Variants in UTRN observed in about 807,000 individuals in gnomAD.
UTRN encodes dystrophin-related protein 1.
In UTRN, 283 loss-of-function variants were observed where a neutral mutation model predicts 463.9. The ratio of observed to expected loss-of-function variants is 0.61; its 90% confidence interval spans 0.55 to 0.67. The LOEUF is 0.67. UTRN is among the 30% of genes least tolerant of loss of function. The probability of loss-of-function intolerance (pLI) is 0.00; values close to 1 mark genes in which losing one functional copy is unlikely to be tolerated. For missense variants in UTRN, 3,922 were observed against 4,084.3 expected (o/e 0.96, Z 1.08); for synonymous variants, 1,442 against 1,431.5 (o/e 1.01, Z -0.17).
intron 39 of UTRN, among the ~76,000 whole-genome samples, chr6:144,517,929 C>A (rs977887894): frequency 1.3e-5 from 2 of 152,228 alleles, no homozygotes; most frequent in South Asian, 4.1e-4. Flanking sequence ...ACTAGCCATT[C>A]TCTCAAGGCT....
At chr6:144,732,648 TTTATGTCATG>T (rs1455527584) in intron 54 of UTRN, among the ~76,000 whole-genome samples, 5 of 145,754 alleles carry the variant, frequency 3.4e-5, no homozygotes, top group East Asian at 2.1e-4. Context: ...ATTGTTTCAT[TTTATGTCATG>T]TTATGTTATG....
Position 144,705,461 on chromosome 6 carries a change from T to C in UTRN, c.7809+5218T>C, listed in dbSNP as rs116098953. ...GCGGAGAAGTTCAAGATCAGTGCAC[T>C]AGTAGATTTGGTGTCTGCCAAGGGC... On this transcript the variant is annotated intron_variant, in intron 53 of 74. Coordinates refer to ENST00000367545, the MANE Select transcript of UTRN (RefSeq NM_007124.3). Among the ~76,000 whole-genome samples, 1,355 of 152,268 alleles carry C rather than the reference T, an allele frequency of 8.9e-3. 24 individuals carry two copies. The highest frequency in any genetic ancestry group is 0.029 in the African/African-American group (1,206 of 41,534).
At position 144,451,276 on chromosome 6, in the gene UTRN, A is replaced by G. The variant is rs1472038805; in HGVS notation, c.2073-94A>G. The G allele has an allele frequency of 1.3e-5, 18 of 1,438,954 alleles. No homozygotes were observed. In the South Asian group the frequency reaches 2.1e-4, roughly 17 times the overall value. The allele number at this position is 1,438,954 out of a possible 1,614,324, so 89.1% of individuals were successfully genotyped here. A position where few individuals can be genotyped will look rare whatever the true frequency, so the allele number is the denominator to read the frequency against. On this transcript the variant is annotated intron_variant, in intron 17 of 74. Transcript: ENST00000367545. Reference sequence around the variant, plus strand: ...GTTTTTGGGGGAGTGATAAAAAGACATATTCCTGATGAGCATTTGAGTTGC... The same window carrying G: ...GTTTTTGGGGGAGTGATAAAAAGACGTATTCCTGATGAGCATTTGAGTTGC...
intron 52 of UTRN, among the ~76,000 whole-genome samples, chr6:144,681,935 G>A (rs536455910): frequency 1.3e-5 from 2 of 151,876 alleles, no homozygotes; most frequent in Non-Finnish European, 2.9e-5. Context: ...TAATCACATC[G>A]TGGAAAATGT....
chr6:144,511,757 G>T (rs1342481849), intron 35 of UTRN, among the ~76,000 whole-genome samples: 2 of 152,084 alleles, frequency 1.3e-5, no homozygotes, highest in Non-Finnish European at 2.9e-5. Flanking sequence ...TTATGCCACT[G>T]CTCTGTAAAT....
intron 56 of UTRN, among the ~76,000 whole-genome samples, chr6:144,754,117 C>T (rs200252062): frequency 1.3e-5 from 2 of 151,144 alleles, no homozygotes; most frequent in African/African-American, 4.9e-5. Flanking sequence ...TCTCACTCCC[C>T]ATATATATAT....
intron 52 of UTRN, among the ~76,000 whole-genome samples, chr6:144,684,048 A>G (rs972087481): frequency 1.4e-5 from 2 of 140,396 alleles, no homozygotes; most frequent in Non-Finnish European, 3.1e-5. Flanking sequence ...GTGTCCCTTT[A>G]CTTTTTTTTT....
intron 64 of UTRN, chr6:144,799,541 G>A: frequency 4.3e-6 from 2 of 470,356 alleles, no homozygotes; most frequent in Non-Finnish European, 8.8e-6. Flanking sequence ...GGTAGACATA[G>A]ATGTATGGGA....
At chr6:144,454,021 T>G (rs1040940009) in intron 19 of UTRN, 152 bp downstream of exon 19, 34 of 668,604 alleles carry the variant, frequency 5.1e-5, no homozygotes, top group Non-Finnish European at 7.3e-5. Flanking sequence ...GCAGAATCTT[T>G]AAAAATGAAA....
intron 54 of UTRN, among the ~76,000 whole-genome samples, chr6:144,744,122 TAA>T (rs551256455): frequency 5.6e-5 from 6 of 108,066 alleles, no homozygotes; most frequent in Non-Finnish European, 5.9e-5. Flanking sequence ...ACCTCATCCC[TAA>T]AAAAAAAAAA....
chr6:144,396,871 C>T (rs1260039001), intron 2 of UTRN, among the ~76,000 whole-genome samples: 1 of 152,140 alleles, frequency 6.6e-6, no homozygotes, highest in East Asian at 1.9e-4. Context: ...CTCTTATATA[C>T]TTCCTACTCC....
intron 17 of UTRN, among the ~76,000 whole-genome samples, chr6:144,450,177 C>T (rs1164238378): frequency 1.3e-5 from 2 of 152,162 alleles, no homozygotes; most frequent in African/African-American, 4.8e-5. Context: ...ATGCCTTCTC[C>T]TCAGTGAACA....
intron 51 of UTRN, among the ~76,000 whole-genome samples, chr6:144,641,638 A>G (rs530920685): frequency 2.6e-5 from 4 of 152,342 alleles, no homozygotes; most frequent in Admixed American, 1.3e-4. Flanking sequence ...TTGGGTTTAC[A>G]TAACCCATTA....
chr6:144,462,620 G>A (rs760077136), intron 22 of UTRN, 34 bp from the exon 23 acceptor site: 19 of 1,553,702 alleles, frequency 1.2e-5, no homozygotes, highest in Non-Finnish European at 1.6e-5. Flanking sequence ...ACACATTTTT[G>A]TGCATATTTT....
intron 3 of UTRN, among the ~76,000 whole-genome samples, chr6:144,419,894 G>A (rs1302720506): frequency 6.6e-6 from 1 of 152,054 alleles, no homozygotes; most frequent in Non-Finnish European, 1.5e-5. Flanking sequence ...GCTGTTGAGT[G>A]TGCAGAAATA....
intron 51 of UTRN, among the ~76,000 whole-genome samples, chr6:144,618,766 ATATT>A (rs1212343831): frequency 1.2e-4 from 19 of 152,142 alleles, no homozygotes; most frequent in Non-Finnish European, 2.4e-4. Context: ...AAAATACTCT[ATATT>A]ATATGCTATA....
chr6:144,345,738 T>C (rs944951925), intron 2 of UTRN, among the ~76,000 whole-genome samples: 3 of 152,084 alleles, frequency 2.0e-5, no homozygotes, highest in African/African-American at 7.2e-5. Flanking sequence ...TGATTGTCAC[T>C]AAATCCTCTC....
chr6:144,624,585 G>T (rs577283405), intron 51 of UTRN, among the ~76,000 whole-genome samples: 1 of 152,276 alleles, frequency 6.6e-6, no homozygotes, highest in East Asian at 1.9e-4. Context: ...AGATCAGAAG[G>T]GTGGCCGGGG....
At chr6:144,762,511 G>A (rs933983654) in intron 58 of UTRN, among the ~76,000 whole-genome samples, 6 of 152,194 alleles carry the variant, frequency 3.9e-5, no homozygotes, top group African/African-American at 9.6e-5. Context: ...CCACACTGCC[G>A]TTGTATAGGC....
Sources: gnomAD v4.1 joint callset for allele counts (sites outside exome capture counted in the v4.1 genomes callset) on GRCh38, gnomAD v4.1.1 for gene constraint, MANE v1.5 for transcripts, NCBI Gene and HGNC (gene_info 2026-07-23, HGNC 2026-07-21) for gene names.